The following LHFPL1 variants were observed in gnomAD, a reference collection of about 807,000 sequenced individuals.
LHFPL1 encodes the protein LHFPL tetraspan subfamily member 1.
In LHFPL1, 4 loss-of-function variants were observed where a neutral mutation model predicts 12.1. The observed-to-expected ratio is 0.33, with a 90% CI of 0.16 to 0.76. LHFPL1 has a LOEUF of 0.76. Among genes scored for constraint, LHFPL1 ranks in the 30% least tolerant of loss-of-function variants. The pLI, the probability that LHFPL1 is intolerant of heterozygous loss-of-function variation, is 0.61. For synonymous variants in LHFPL1, 52 were observed against 61.9 expected, an observed-to-expected ratio of 0.84 and a Z score of 0.75; for missense variants, 141 against 174.1, an observed-to-expected ratio of 0.81 and a Z score of 1.07.
At chrX:112,632,065 C>T (rs977969422) in intron 3 of LHFPL1, among the ~76,000 whole-genome samples, 10 of 111,619 alleles carry the variant, frequency 9.0e-5, no homozygotes, top group South Asian at 3.8e-4. Flanking sequence ...ACCACACAGC[C>T]GGCAAGTGGT....
At chrX:112,642,426 T>C (rs2147702354) in intron 3 of LHFPL1, among the ~76,000 whole-genome samples, 1 of 105,570 alleles carries the variant, frequency 9.5e-6, no homozygotes, top group Non-Finnish European at 2.0e-5. Context: ...AGGCATTAAC[T>C]GGAAGAAACA....
intron 1 of LHFPL1, among the ~76,000 whole-genome samples, chrX:112,672,227 C>T (rs1160114556): frequency 1.8e-5 from 2 of 111,903 alleles, no homozygotes; most frequent in South Asian, 7.5e-4. Context: ...CAAAAAGCTT[C>T]TCAAAGTTCT....
intron 2 of LHFPL1, among the ~76,000 whole-genome samples, chrX:112,667,655 G>A (rs1931375079): frequency 8.9e-6 from 1 of 112,354 alleles, no homozygotes. Flanking sequence ...TAGTGGCTAT[G>A]TTCTCAGGGA....
chrX:112,639,074 T>C (rs1930426942), intron 3 of LHFPL1, among the ~76,000 whole-genome samples: 1 of 112,024 alleles, frequency 8.9e-6, no homozygotes, highest in African/African-American at 3.3e-5. Flanking sequence ...AACAGAGAAC[T>C]TTCTCTGCTA....
chrX:112,672,833 A>C (rs1274418528), intron 1 of LHFPL1, among the ~76,000 whole-genome samples: 1 of 112,283 alleles, frequency 8.9e-6, no homozygotes, highest in Non-Finnish European at 1.9e-5. Context: ...TCATAGAATC[A>C]TTCAATTTCC....
chrX:112,649,038 A>C (rs1484598370), intron 3 of LHFPL1, among the ~76,000 whole-genome samples: 1 of 112,330 alleles, frequency 8.9e-6, no homozygotes. Context: ...ACCCATATTT[A>C]AAATTAAAAT....
At position 112,675,164 on chromosome X, in the gene LHFPL1, G is replaced by C. The variant is rs778964516; in HGVS notation, c.-14-3760C>G. 6.3e-5 allele frequency among the ~76,000 whole-genome samples: 7 copies of C among 111,534 alleles called. No individual in the cohort carries two copies. In the East Asian group the frequency reaches 2.0e-3, roughly 31 times the overall value. On this transcript the variant is annotated intron_variant, in intron 1 of 3. Coordinates refer to ENST00000371968, the MANE Select transcript of LHFPL1 (RefSeq NM_178175.4). Reference sequence around the variant, plus strand: ...GATAAAAGATTACAAATACGGTGCAGTGTATACTACTCGGGTGATGGGTGC... The same window carrying C: ...GATAAAAGATTACAAATACGGTGCACTGTATACTACTCGGGTGATGGGTGC...
intron 2 of LHFPL1, among the ~76,000 whole-genome samples, chrX:112,664,979 G>A (rs1227023680): frequency 1.8e-5 from 2 of 111,457 alleles, no homozygotes; most frequent in African/African-American, 6.5e-5. Context: ...TAATGTGGAC[G>A]TATCTTGTCC....
At chrX:112,650,801 A>T (rs1429944297) in intron 3 of LHFPL1, among the ~76,000 whole-genome samples, 1 of 111,969 alleles carries the variant, frequency 8.9e-6, no homozygotes, top group Non-Finnish European at 1.9e-5. Context: ...TAATAAAATT[A>T]AAAGTAACAA....
In LHFPL1 at chrX:112,671,716, A is replaced by G. The variant is rs184528868; in HGVS notation, c.-14-312T>C. Reference sequence around the variant, plus strand: ...CAATTCAAATACAGCCGGATCAGACAGCTTTTAACTCTTGACATACATCGT... The same window carrying G: ...CAATTCAAATACAGCCGGATCAGACGGCTTTTAACTCTTGACATACATCGT... On this transcript the variant is annotated intron_variant, in intron 1 of 3. Transcript: ENST00000371968. 2.9e-4 allele frequency among the ~76,000 whole-genome samples: 33 copies of G among 112,166 alleles called. No individual in the cohort carries two copies. The East Asian group carries it at 5.3e-3, about 18-fold the overall frequency.
At chrX:112,646,845 G>GA (rs989430632) in intron 3 of LHFPL1, among the ~76,000 whole-genome samples, 3 of 110,835 alleles carry the variant, frequency 2.7e-5, no homozygotes, top group Admixed American at 1.9e-4. Flanking sequence ...GTATCCTAAA[G>GA]AAAAAAAATT....
chrX:112,655,187 T>G (rs1930962195), intron 3 of LHFPL1, among the ~76,000 whole-genome samples: 1 of 112,167 alleles, frequency 8.9e-6, no homozygotes, highest in East Asian at 2.8e-4. Flanking sequence ...TCTATTTATC[T>G]TCTATAATGA....
chrX:112,646,864 A>T (rs1226706306), intron 3 of LHFPL1, among the ~76,000 whole-genome samples: 1 of 111,324 alleles, frequency 9.0e-6, no homozygotes, highest in Non-Finnish European at 1.9e-5. Flanking sequence ...TTCTCAAATG[A>T]CTCAAGACAT....
intron 1 of LHFPL1, among the ~76,000 whole-genome samples, chrX:112,675,779 A>G (rs10521554): frequency 0.23 from 25,948 of 111,333 alleles, 4,753 homozygotes; most frequent in African/African-American, 0.63. Context: ...GGGCTAGCAC[A>G]ATCCGTGGAC....
intron 3 of LHFPL1, among the ~76,000 whole-genome samples, chrX:112,647,818 T>C (rs932041343): frequency 8.9e-6 from 1 of 111,903 alleles, no homozygotes; most frequent in Non-Finnish European, 1.9e-5. Flanking sequence ...GCAATCCCAT[T>C]ACTGGGTATA....
intron 3 of LHFPL1, among the ~76,000 whole-genome samples, chrX:112,642,328 T>C (rs191855277): frequency 0.02 from 2,064 of 100,875 alleles, 48 homozygotes; most frequent in African/African-American, 0.071. Context: ...CTGGGCAACA[T>C]GGTGAAGCCC....
chrX:112,669,901 C>T (rs933375059), intron 2 of LHFPL1, among the ~76,000 whole-genome samples: 2 of 111,909 alleles, frequency 1.8e-5, no homozygotes, highest in African/African-American at 6.5e-5. Context: ...TGCCATCTCA[C>T]TCCAAGGCCA....
intron 1 of LHFPL1, among the ~76,000 whole-genome samples, chrX:112,673,474 G>C (rs775545368): frequency 9.0e-6 from 1 of 111,484 alleles, no homozygotes; most frequent in Non-Finnish European, 1.9e-5. Context: ...GAGTTTGTAA[G>C]ATTACAAAAA....
chrX:112,634,591 C>T (rs1473484121), intron 3 of LHFPL1, among the ~76,000 whole-genome samples: 1 of 111,821 alleles, frequency 8.9e-6, no homozygotes, highest in East Asian at 2.8e-4. Context: ...AGACTCATTT[C>T]TCTGAATGAA....
Sources: gnomAD v4.1 joint callset for allele counts (sites outside exome capture counted in the v4.1 genomes callset) on GRCh38, gnomAD v4.1.1 for gene constraint, MANE v1.5 for transcripts, NCBI Gene and HGNC (gene_info 2026-07-23, HGNC 2026-07-21) for gene names.